MEGF11: variants seen among roughly 807,000 people sequenced by gnomAD.
The protein encoded by MEGF11 is multiple EGF like domains 11.
A neutral mutation model predicts 146.6 loss-of-function variants in MEGF11; 126 were observed. The observed-to-expected ratio is 0.86, with a 90% CI of 0.74 to 1.00. The LOEUF (loss-of-function observed/expected upper bound fraction) is 1.00. MEGF11 is among the 50% of genes least tolerant of loss of function. The probability of loss-of-function intolerance (pLI) is 0.00; values close to 1 mark genes in which losing one functional copy is unlikely to be tolerated. For synonymous variants in MEGF11, 532 were observed against 583.4 expected (o/e 0.91, Z 1.27); for missense variants, 1,509 against 1,521.2 (o/e 0.99, Z 0.13).
chr15:66,130,495 G>A (rs879865716), intron 1 of MEGF11, among the ~76,000 whole-genome samples: 1 of 152,132 alleles, frequency 6.6e-6, no homozygotes, highest in Non-Finnish European at 1.5e-5. Flanking sequence ...ACCTGGACAG[G>A]AGAAGATTGT....
intron 5 of MEGF11, among the ~76,000 whole-genome samples, chr15:66,035,710 A>G (rs2083701842): frequency 6.6e-6 from 1 of 152,254 alleles, no homozygotes; most frequent in Non-Finnish European, 1.5e-5. Context: ...GGAGAAGACA[A>G]ATTGTCAGTA....
intron 5 of MEGF11, among the ~76,000 whole-genome samples, chr15:66,048,529 ACTCC>A (rs2084318007): frequency 6.6e-6 from 1 of 151,870 alleles, no homozygotes; most frequent in Non-Finnish European, 1.5e-5. Context: ...AGCCACCCTG[ACTCC>A]CTGCCCACAA....
chr15:66,083,381 G>A (rs749745595), intron 5 of MEGF11, among the ~76,000 whole-genome samples: 60 of 152,206 alleles, frequency 3.9e-4, no homozygotes, highest in Admixed American at 7.8e-4. Context: ...TTGTAGCTTC[G>A]AGAGTCTCTA....
chr15:66,094,339 A>T, intron 5 of MEGF11, 63 bp downstream of exon 5: 2 of 1,415,580 alleles, frequency 1.4e-6, no homozygotes, highest in African/African-American at 1.4e-5. Flanking sequence ...TGCACACACC[A>T]CAACCCACTC....
At position 65,906,213 on chromosome 15, in the gene MEGF11, T is replaced by C. The variant is rs868694724; in HGVS notation, c.2999-72A>G. ...TACTTAGACTGCTTGTGTTCTTCTTTCTTTTCTTGCTTTTCCCCCCCCTTC... is the reference window on the plus strand; with the variant it reads ...TACTTAGACTGCTTGTGTTCTTCTTCCTTTTCTTGCTTTTCCCCCCCCTTC... On this transcript the variant is annotated intron_variant, in intron 23 of 25. Transcript: ENST00000395614. The C allele has an allele frequency of 3.8e-5, 45 of 1,175,006 alleles. No homozygotes were observed. The Middle Eastern group carries it at 4.2e-3, about 109-fold the overall frequency. 72.8% of individuals were successfully genotyped at this position (1,175,006 alleles called of 1,614,324 possible). A position where few individuals can be genotyped will look rare whatever the true frequency, so the allele number is the denominator to read the frequency against.
In MEGF11 at chr15:66,023,835, C is replaced by A. The variant is rs73481664; in HGVS notation, c.395-41347G>T. Among the ~76,000 whole-genome samples the A allele has an allele frequency of 4.7e-3, 719 of 152,300 alleles. 7 individuals carry two copies. The highest frequency in any genetic ancestry group is 0.017 in the African/African-American group (690 of 41,562). ...CACAGGGGATTAAAACCAGCTGGGGCACAGCCCTGCCGAGAAAGACTTGAG... is the reference window on the plus strand; with the variant it reads ...CACAGGGGATTAAAACCAGCTGGGGAACAGCCCTGCCGAGAAAGACTTGAG... On this transcript the variant is annotated intron_variant, in intron 5 of 25. Transcript: ENST00000395614.
chr15:66,085,675 A>G (rs2086078240), intron 5 of MEGF11, among the ~76,000 whole-genome samples: 1 of 152,242 alleles, frequency 6.6e-6, no homozygotes, highest in Non-Finnish European at 1.5e-5. Context: ...AATCTGAACA[A>G]CAGCCTTCAG....
At chr15:65,972,584 A>C (rs1327554949) in intron 7 of MEGF11, among the ~76,000 whole-genome samples, 1 of 152,148 alleles carries the variant, frequency 6.6e-6, no homozygotes, top group Non-Finnish European at 1.5e-5. Flanking sequence ...AGGAAAACAA[A>C]CATACAAAAA....
intron 10 of MEGF11, among the ~76,000 whole-genome samples, chr15:65,936,497 G>T (rs2079793989): frequency 6.6e-6 from 1 of 152,278 alleles, no homozygotes; most frequent in South Asian, 2.1e-4. Context: ...GCTTTCTCTT[G>T]TATGCCAGGC....
chr15:66,018,453 C>T (rs2082972501), intron 5 of MEGF11, among the ~76,000 whole-genome samples: 1 of 152,190 alleles, frequency 6.6e-6, no homozygotes, highest in Non-Finnish European at 1.5e-5. Flanking sequence ...TGGACTCAGC[C>T]CCGCTGTGGT....
chr15:65,916,180 C>T lies in MEGF11; in HGVS notation c.2312G>A (p.Arg771His), dbSNP rs761782026. The T allele has an allele frequency of 2.0e-5, 31 of 1,587,068 alleles. No individual in the cohort carries two copies. Among genetic ancestry groups the T allele is most frequent in the Middle Eastern group, 3.3e-4 (2 of 6,050 alleles). The part of the protein sequence containing the change: ...CDHISGKCTC[R>H]TGFTGQHCEQ... ...ACAGTGTTGCCCGGTGAAGCCTGTG[C>T]GGCAGGTGCACTTGCCACTGATGTG... The change falls in exon 18 of 26, where the codon CGC (arginine) becomes CAC (histidine). Residue 771 changes from arginine to histidine, a missense_variant. Transcript: ENST00000395614.
chr15:66,213,000 A>C (rs923240635), intron 1 of MEGF11, among the ~76,000 whole-genome samples: 1 of 152,116 alleles, frequency 6.6e-6, no homozygotes, highest in African/African-American at 2.4e-5. Context: ...TCTGCGAGGG[A>C]GGGCCAAGAA....
intron 5 of MEGF11, among the ~76,000 whole-genome samples, chr15:66,088,383 G>A (rs948690424): frequency 1.3e-5 from 2 of 152,216 alleles, no homozygotes; most frequent in Admixed American, 6.5e-5. Flanking sequence ...GGGGCTGGGC[G>A]CAATGGCTCA....
Position 65,896,146 on chromosome 15 carries a change from G to A in MEGF11, c.*1788C>T, listed in dbSNP as rs1342283672. The A allele has an allele frequency of 6.6e-6, 1 of 152,438 alleles. No individual in the cohort carries two copies. The highest frequency in any genetic ancestry group is 6.6e-5 in the Admixed American group (1 of 15,260). 9.4% of individuals were successfully genotyped at this position (152,438 alleles called of 1,614,324 possible). A position where few individuals can be genotyped will look rare whatever the true frequency, so the allele number is the denominator to read the frequency against. On this transcript the variant is annotated 3_prime_UTR_variant, in exon 26 of 26. Coordinates refer to ENST00000395614, the MANE Select transcript of MEGF11 (RefSeq NM_001385028.1). ...CTTACCTATATTTCTTTCTACATAT[G>A]TATGAGAAATATTTACTTGGGTCTC...
intron 8 of MEGF11, among the ~76,000 whole-genome samples, chr15:65,968,823 C>T (rs1435578265): frequency 2.0e-5 from 3 of 152,184 alleles, no homozygotes; most frequent in South Asian, 2.1e-4. Flanking sequence ...CGTTACATTT[C>T]GTGTTTAATT....
At chr15:65,970,943 T>C (rs955270686) in intron 7 of MEGF11, 14 of 502,822 alleles carry the variant, frequency 2.8e-5, no homozygotes, top group Non-Finnish European at 5.0e-5. Flanking sequence ...ACACTAGGGG[T>C]GATTCGATTT....
chr15:65,917,092 T>A, intron 16 of MEGF11, 136 bp from the exon 17 acceptor site: 1 of 927,270 alleles, frequency 1.1e-6, no homozygotes, highest in Non-Finnish European at 1.6e-6. Flanking sequence ...TTCAGGGGCT[T>A]CATGCACTGT....
chr15:66,146,386 G>A (rs540691910), intron 1 of MEGF11, among the ~76,000 whole-genome samples: 1 of 152,324 alleles, frequency 6.6e-6, no homozygotes, highest in East Asian at 1.9e-4. Flanking sequence ...AGACAACAGT[G>A]TCAGCAGACT....
chr15:66,150,790 C>T (rs1220547327), intron 1 of MEGF11, among the ~76,000 whole-genome samples: 1 of 150,656 alleles, frequency 6.6e-6, no homozygotes, highest in African/African-American at 2.5e-5. Context: ...CACACCACTG[C>T]ACTCCAGCCT....
Sources: allele counts gnomAD v4.1 joint callset (sites outside exome capture counted in the v4.1 genomes callset), GRCh38; gene constraint gnomAD v4.1.1; transcripts MANE v1.5; gene names NCBI Gene and HGNC (gene_info 2026-07-23, HGNC 2026-07-21).